MORN4: variants seen among roughly 807,000 people sequenced by gnomAD.
MORN4 encodes the protein MORN repeat-containing protein 4.
Under a neutral mutation model 16.4 loss-of-function variants are expected in MORN4, and 8 were observed. The observed-to-expected ratio is 0.49, with a 90% confidence interval of 0.29 to 0.88. The LOEUF is 0.88. Ranked by LOEUF, MORN4 falls within the 40% of genes least tolerant of loss-of-function variation. The pLI, the probability that MORN4 is intolerant of heterozygous loss-of-function variation, is 0.09. For missense variants in MORN4, 159 were observed against 182.9 expected (o/e 0.87, Z 0.75); for synonymous variants, 53 against 68.9 (o/e 0.77, Z 1.14).
At chr10:97,625,267 ACT>A (rs1187688447) in intron 1 of MORN4, among the ~76,000 whole-genome samples, 19 of 152,158 alleles carry the variant, frequency 1.2e-4, no homozygotes, top group Non-Finnish European at 2.4e-4. Flanking sequence ...GGTGTTGTAG[ACT>A]CTGAGCACAG....
chr10:97,616,068 G>A lies in MORN4; in HGVS notation c.*195C>T. On this transcript the variant is annotated 3_prime_UTR_variant, in exon 5 of 5. Coordinates refer to ENST00000307450, the MANE Select transcript of MORN4 (RefSeq NM_178832.4). ...AAAGACAGAACCACCAATGACTGCT[G>A]CAGGGTCTGCTGGCCAGCATCCTCA... 2.1e-6 allele frequency: 1 copy of A among 487,780 alleles called. No homozygotes were observed. The highest frequency in any genetic ancestry group is 2.0e-5 in the African/African-American group (1 of 50,360). 30.2% of individuals were successfully genotyped at this position (487,780 alleles called of 1,614,324 possible).
chr10:97,616,308 C>T lies in MORN4; in HGVS notation c.396G>A (p.Gln132=), dbSNP rs1213971001. ...CTGACTTGGAGGCGCTCTGGGCCCG[C>T]TGAACAATGGCAGAACACTTCTCAC... The part of the protein sequence containing the change: ...LRREKCSAIV[Q]RAQSASKSAR... The change falls in exon 5 of 5, where the codon CAG becomes CAA. Residue 132 remains glutamine, a synonymous_variant. Transcript: ENST00000307450. The T allele has an allele frequency of 1.9e-6, 3 of 1,612,564 alleles. No individual in the cohort carries two copies. Among genetic ancestry groups the T allele is most frequent in the Non-Finnish European group, 2.5e-6 (3 of 1,179,324 alleles).
At chr10:97,633,905 C>G (rs575967662), upstream of MORN4, among the ~76,000 whole-genome samples, 99 of 152,348 alleles carry the variant, frequency 6.5e-4, 1 homozygote, top group Non-Finnish European at 9.8e-4. This position sits in a 1 kb window ranked among gnomAD's most constrained non-coding sequence, Gnocchi z 4.5. Flanking sequence ...TCCAATAACT[C>G]TGTGCTAGAC....
At chr10:97,633,885 C>CAT (rs1247057015), upstream of MORN4, among the ~76,000 whole-genome samples, 71 of 152,340 alleles carry the variant, frequency 4.7e-4, no homozygotes, top group African/African-American at 1.6e-3. This position sits in a 1 kb window ranked among gnomAD's most constrained non-coding sequence, Gnocchi z 4.5. Flanking sequence ...ACGCGCTAGG[C>CAT]AGGATAGCCT....
intron 1 of MORN4, among the ~76,000 whole-genome samples, chr10:97,628,875 C>A (rs2041371398): frequency 6.6e-6 from 1 of 152,160 alleles, no homozygotes; most frequent in Non-Finnish European, 1.5e-5. Context: ...GGGGATTATA[C>A]CCTAAATATT....
chr10:97,629,343 G>A (rs569270271), intron 1 of MORN4, among the ~76,000 whole-genome samples: 52 of 152,262 alleles, frequency 3.4e-4, no homozygotes, highest in African/African-American at 1.2e-3. Flanking sequence ...CCAAGATCGC[G>A]CCATTGCACT....
Position 97,624,458 on chromosome 10 carries a change from C to G in MORN4, c.-30-4775G>C, listed in dbSNP as rs1019849280. 7.9e-5 allele frequency among the ~76,000 whole-genome samples: 12 copies of G among 152,210 alleles called. No homozygotes were observed. The South Asian group carries it at 2.5e-3, about 32-fold the overall frequency. ...GATGGGGTCTCACTCAGTTACCCAG[C>G]CTGGAATGCAGTAGTGTGATTGTGA... On this transcript the variant is annotated intron_variant, in intron 1 of 4. Coordinates refer to ENST00000307450, the MANE Select transcript of MORN4 (RefSeq NM_178832.4).
At chr10:97,618,786 T>TG (rs1435048718) in intron 2 of MORN4, among the ~76,000 whole-genome samples, 1 of 147,494 alleles carries the variant, frequency 6.8e-6, no homozygotes, top group Non-Finnish European at 1.5e-5. Flanking sequence ...GGATACTGGT[T>TG]GTTTTTTTTT....
At chr10:97,618,781 C>G (rs1266965296) in intron 2 of MORN4, among the ~76,000 whole-genome samples, 1 of 148,642 alleles carries the variant, frequency 6.7e-6, no homozygotes, top group African/African-American at 2.5e-5. Context: ...TAAATGGATA[C>G]TGGTTGTTTT....
At chr10:97,629,925 ATTT>A (rs35892196) in intron 1 of MORN4, among the ~76,000 whole-genome samples, 9 of 126,352 alleles carry the variant, frequency 7.1e-5, no homozygotes, top group Non-Finnish European at 4.9e-5. Context: ...CGCCCAGCTA[ATTT>A]TTTTTTTTTT....
intron 1 of MORN4, among the ~76,000 whole-genome samples, chr10:97,628,621 C>T (rs2041369579): frequency 6.6e-6 from 1 of 152,064 alleles, no homozygotes; most frequent in Admixed American, 6.5e-5. Flanking sequence ...GCAACCTCCG[C>T]CTCCCAGGCT....
intron 1 of MORN4, among the ~76,000 whole-genome samples, chr10:97,622,656 G>A (rs963203024): frequency 3.5e-4 from 47 of 135,538 alleles, no homozygotes; most frequent in African/African-American, 1.3e-3. Flanking sequence ...ATCACGCCAC[G>A]ACACTCCAGC....
At position 97,615,348 on chromosome 10, in the gene MORN4, C is replaced by T. The variant is rs1009027291; in HGVS notation, c.*915G>A. On this transcript the variant is annotated 3_prime_UTR_variant, in exon 5 of 5. Transcript: ENST00000307450. ...TGCAATCCTAGCACTTTGGCAGGCC[C>T]AGGCAGGAGGATCACTTGAGCCCAG... is the stretch of plus-strand genomic sequence containing the variant. The T allele has an allele frequency of 3.9e-5, 6 of 152,184 alleles. No individual in the cohort carries two copies. The highest frequency in any genetic ancestry group is 1.4e-4 in the African/African-American group (6 of 41,412). The allele number at this position is 152,184 out of a possible 1,614,324, so 9.4% of individuals were successfully genotyped here.
chr10:97,619,508 G>T (rs770673089), intron 2 of MORN4, 79 bp downstream of exon 2: 3 of 969,804 alleles, frequency 3.1e-6, no homozygotes, highest in Admixed American at 3.4e-5. Context: ...GATCCATAAA[G>T]TTGGCTATAT....
chr10:97,632,488 A>G (rs2041405399), intron 1 of MORN4, among the ~76,000 whole-genome samples: 1 of 152,062 alleles, frequency 6.6e-6, no homozygotes, highest in Non-Finnish European at 1.5e-5. Flanking sequence ...AAGTGTTGGG[A>G]TTACAGGCGT....
At position 97,616,708 on chromosome 10, in the gene MORN4, C is replaced by T. The variant is rs1364699464; in HGVS notation, c.262G>A (p.Glu88Lys). The T allele has an allele frequency of 5.0e-6, 8 of 1,613,878 alleles. No individual in the cohort carries two copies. The highest frequency in any genetic ancestry group is 1.7e-5 in the Admixed American group (1 of 59,990). The change falls in exon 4 of 5, where the codon GAA becomes AAA. Residue 88 changes from glutamate (E) to lysine (K), a missense_variant. Glu to Lys is a moderately conservative substitution (Grantham distance 56). Transcript: ENST00000307450. ...CCATCTACTCTGCCATTTTTAAATT[C>T]CCCCTCAAAGGTCATGTTGTCATAT... ...IRYDNMTFEG[E>K]FKNGRVDGFG...
At chr10:97,623,116 C>A (rs2041318400) in intron 1 of MORN4, among the ~76,000 whole-genome samples, 1 of 152,068 alleles carries the variant, frequency 6.6e-6, no homozygotes, top group Non-Finnish European at 1.5e-5. Flanking sequence ...AATGCAGATT[C>A]CTAGGCCCAA....
intron 1 of MORN4, among the ~76,000 whole-genome samples, chr10:97,626,456 TC>T (rs1356797983): frequency 2.8e-4 from 42 of 149,674 alleles, no homozygotes; most frequent in African/African-American, 9.5e-4. Flanking sequence ...TTGTTCTCTC[TC>T]TTTTTTTTTT....
At chr10:97,629,591 C>T (rs1195841092) in intron 1 of MORN4, among the ~76,000 whole-genome samples, 1 of 152,070 alleles carries the variant, frequency 6.6e-6, no homozygotes, top group East Asian at 1.9e-4. Context: ...TCATCCTATC[C>T]CACGTACCAG....
Sources: allele counts gnomAD v4.1 joint callset (sites outside exome capture counted in the v4.1 genomes callset), GRCh38; gene constraint gnomAD v4.1.1; non-coding constraint Gnocchi (gnomAD v3.1); transcripts MANE v1.5; gene names NCBI Gene and HGNC (gene_info 2026-07-23, HGNC 2026-07-21).